DNAJC2: variants seen among roughly 807,000 people sequenced by gnomAD.
DNAJC2 encodes DnaJ heat shock protein family (Hsp40) member C2, also known as dnaJ homolog subfamily C member 2.
DNAJC2 carries 32 observed loss-of-function variants against 94.0 expected under a neutral mutation model. That is an observed-to-expected ratio of 0.34 (90% CI 0.26 to 0.46). The LOEUF (loss-of-function observed/expected upper bound fraction) is 0.46, where lower values mean the gene tolerates loss of function less well. DNAJC2 is among the 20% of genes least tolerant of loss of function. DNAJC2 has a pLI of 1.00. For missense variants in DNAJC2, 550 were observed against 719.5 expected (o/e 0.76, Z 2.69); for synonymous variants, 210 against 229.7 (o/e 0.91, Z 0.77).
chr7:103,318,935 A>G (rs1818225906), intron 12 of DNAJC2, among the ~76,000 whole-genome samples: 3 of 152,226 alleles, frequency 2.0e-5, no homozygotes, highest in Admixed American at 2.0e-4. Flanking sequence ...AACAAAATGC[A>G]GACTGGGCAT....
At chr7:103,328,490 G>T (rs1327912480) in intron 3 of DNAJC2, among the ~76,000 whole-genome samples, 2 of 151,930 alleles carry the variant, frequency 1.3e-5, no homozygotes, top group Non-Finnish European at 2.9e-5. Flanking sequence ...AACTAGCTGG[G>T]CGTGGTGGTG....
intron 3 of DNAJC2, 81 bp downstream of exon 3, chr7:103,337,655 A>T: frequency 8.8e-7 from 1 of 1,139,276 alleles, no homozygotes; most frequent in Non-Finnish European, 1.3e-6. Flanking sequence ...GCAGACTATG[A>T]TACTGTATAT....
intron 1 of DNAJC2, 51 bp from the exon 2 acceptor site, chr7:103,342,005 A>G: frequency 5.1e-6 from 7 of 1,363,848 alleles, no homozygotes; most frequent in Non-Finnish European, 6.8e-6. Context: ...TGGAATAAAT[A>G]TGTTTCAAGG....
chr7:103,326,558 A>G lies in DNAJC2; in HGVS notation c.557T>C (p.Phe186Ser), dbSNP rs373706221. The change falls in exon 5 of 17, where the codon TTT (phenylalanine) becomes TCT (serine). Residue 186 changes from phenylalanine to serine, a missense_variant. This residue lies in a region of DNAJC2 where 279 missense variants were observed against 416.9 expected (regional missense o/e 0.67). Transcript: ENST00000379263. Reference protein sequence around the residue: ...DNFFEVFTPVFERNSRWSNKK... With the variant: ...DNFFEVFTPVSERNSRWSNKK... ...CTTAACTTACCTGGAATTCCTTTCA[A>G]ACACTGGGGTAAACACTTCGAAGAA... is the stretch of plus-strand genomic sequence containing the variant. The G allele has an allele frequency of 6.2e-7, 1 of 1,613,814 alleles. No homozygotes were observed.
chr7:103,316,949 T>C lies in DNAJC2; in HGVS notation c.1308A>G (p.Ala436=). The change falls in exon 13 of 17, where the codon GCA becomes GCG. Residue 436 remains alanine (A), a synonymous_variant. Transcript: ENST00000379263. Reference sequence around the variant, plus strand: ...CAGTTGATTTCTCTGTGTTCTTAGATGCTTGTCGCATACGAGCCTCAGCTT... The same window carrying C: ...CAGTTGATTTCTCTGTGTTCTTAGACGCTTGTCGCATACGAGCCTCAGCTT... The part of the protein sequence containing the change: ...KEEAEARMRQ[A]SKNTEKSTGG... 1 of 1,614,116 alleles carries C rather than the reference T, an allele frequency of 6.2e-7. No individual in the cohort carries two copies. The highest frequency in any genetic ancestry group is 8.5e-7 in the Non-Finnish European group (1 of 1,180,018).
chr7:103,316,118 ATAGT>A (rs1026177927), intron 13 of DNAJC2, 30 bp from the exon 14 acceptor site: 1 of 1,373,192 alleles, frequency 7.3e-7, no homozygotes, highest in Non-Finnish European at 1.0e-6. Flanking sequence ...AATAATATGA[ATAGT>A]AGTAAGGAAA....
chr7:103,331,487 C>G (rs1818968890), intron 3 of DNAJC2, among the ~76,000 whole-genome samples: 2 of 152,154 alleles, frequency 1.3e-5, no homozygotes, highest in Admixed American at 1.3e-4. Context: ...TATCCATTGA[C>G]CAACCTCTCT....
In DNAJC2 at chr7:103,334,955, G is replaced by A. The variant is rs1269170877; in HGVS notation, c.331+2781C>T. On this transcript the variant is annotated intron_variant, in intron 3 of 16. Coordinates refer to ENST00000379263, the MANE Select transcript of DNAJC2 (RefSeq NM_014377.3). ...TTCAAGCGGTTCTCGTGCCGCAGCC[G>A]CCCAAGTAGCTGGGATTACAGGCAT... Among the ~76,000 whole-genome samples the A allele has an allele frequency of 5.3e-5, 8 of 152,034 alleles. No homozygotes were observed. In the South Asian group the frequency reaches 6.2e-4, roughly 12 times the overall value.
At position 103,327,691 on chromosome 7, in the gene DNAJC2, T is replaced by G; in HGVS notation, c.395A>C (p.Glu132Ala). 1 of 1,613,364 alleles carries G rather than the reference T, an allele frequency of 6.2e-7. No homozygotes were observed. The highest frequency in any genetic ancestry group is 8.5e-7 in the Non-Finnish European group (1 of 1,179,564). Residue 132 changes from glutamate to alanine, a missense_variant, in exon 4 of 17, where the codon GAA becomes GCA. Transcript: ENST00000379263. ...KRKAAGEPIK[E>A]GDNDYFTCIT... The stretch of plus-strand genomic sequence containing the variant: ...GCAAGTGAAGTAGTCATTATCTCCT[T>G]CTTTTATTGGTTCACCAGCTGCTTT...
intron 4 of DNAJC2, 57 bp from the exon 5 acceptor site, chr7:103,326,741 A>C (rs1392611466): frequency 1.9e-5 from 29 of 1,502,152 alleles, no homozygotes; most frequent in Non-Finnish European, 9.0e-7. Context: ...TTTTCCTGCA[A>C]GAAAACAAGT....
rs780001663 is a variant in DNAJC2 at position 103,337,793 on chromosome 7, C to T, written c.274G>A (p.Val92Ile). Residue 92 changes from valine (V) to isoleucine (I), a missense_variant, in exon 3 of 17, where the codon GTT becomes ATT. This residue lies in a region of DNAJC2 where 279 missense variants were observed against 416.9 expected (regional missense o/e 0.67). Transcript: ENST00000379263. ...KDWKNQDHYA[V>I]LGLGHVRYKA... ...TATCTCACATGGCCAAGTCCAAGAA[C>T]TGCATAATGATCTTGGTTCTGGAAA... 2 of 1,613,514 alleles carry T rather than the reference C, an allele frequency of 1.2e-6. No individual in the cohort carries two copies. The highest frequency in any genetic ancestry group is 1.7e-6 in the Non-Finnish European group (2 of 1,179,886).
chr7:103,324,475 C>A lies in DNAJC2; in HGVS notation c.653+7G>T. On this transcript the variant is annotated splice_region_variant and intron_variant, in intron 6 of 16. Coordinates refer to ENST00000379263, the MANE Select transcript of DNAJC2 (RefSeq NM_014377.3). ...GACAGCATCATACAAACAGTATATT[C>A]ACTTACCAGAAAGAATAAAATATAT... is the stretch of plus-strand genomic sequence containing the variant. 6.7e-7 allele frequency: 1 copy of A among 1,485,942 alleles called. No individual in the cohort carries two copies. The highest frequency in any genetic ancestry group is 1.3e-5 in the South Asian group (1 of 78,744). The allele number at this position is 1,485,942 out of a possible 1,614,324, so 92.0% of individuals were successfully genotyped here.
intron 12 of DNAJC2, 121 bp downstream of exon 12, chr7:103,319,488 G>A: frequency 2.0e-6 from 2 of 991,684 alleles, no homozygotes; most frequent in Admixed American, 2.5e-5. Flanking sequence ...ACAAAACAGT[G>A]GGAAACATAA....
intron 7 of DNAJC2, among the ~76,000 whole-genome samples, chr7:103,323,152 A>G (rs1279875654): frequency 6.6e-6 from 1 of 151,824 alleles, no homozygotes; most frequent in Admixed American, 6.6e-5. Context: ...CTGGTCTCGC[A>G]CTCCTGACCT....
rs186106096 is a variant in DNAJC2, at chr7:103,328,455, A to T, written c.332-701T>A. On this transcript the variant is annotated intron_variant, in intron 3 of 16. Coordinates refer to ENST00000379263, the MANE Select transcript of DNAJC2 (RefSeq NM_014377.3). ...AGACTAGCCTGGCCAATATGGCAAA[A>T]CCTGGTTTCTACTAAAAATACAAAA... Among the ~76,000 whole-genome samples, 707 of 151,916 alleles carry T rather than the reference A, an allele frequency of 4.7e-3. 6 individuals are homozygous for T. Among genetic ancestry groups the T allele is most frequent in the African/African-American group, 0.016 (670 of 41,454 alleles).
At chr7:103,320,534 G>A (rs1818328106) in intron 10 of DNAJC2, among the ~76,000 whole-genome samples, 1 of 151,754 alleles carries the variant, frequency 6.6e-6, no homozygotes, top group Admixed American at 6.6e-5. Flanking sequence ...GCCGAGGCAG[G>A]CGGATCGTGA....
At chr7:103,323,516 ATTTACGTGACAATT>A in intron 7 of DNAJC2, 68 bp downstream of exon 7, 3 of 1,314,126 alleles carry the variant, frequency 2.3e-6, no homozygotes, top group Non-Finnish European at 3.0e-6. Flanking sequence ...ATGAAAGAAA[ATTTACGTGACAATT>A]TTTACATCAT....
chr7:103,338,905 G>C (rs957203964), intron 2 of DNAJC2, among the ~76,000 whole-genome samples: 10 of 152,014 alleles, frequency 6.6e-5, no homozygotes, highest in African/African-American at 2.4e-4. Flanking sequence ...GTGAGACTCC[G>C]TCTCAAAATA....
chr7:103,340,454 CTTA>C (rs1216215142), intron 2 of DNAJC2, among the ~76,000 whole-genome samples: 1 of 152,154 alleles, frequency 6.6e-6, no homozygotes, highest in African/African-American at 2.4e-5. Context: ...CATAGGAACT[CTTA>C]TTATCCATTA....
Sources: allele counts gnomAD v4.1 joint callset (sites outside exome capture counted in the v4.1 genomes callset), GRCh38; gene constraint gnomAD v4.1.1; regional missense constraint gnomAD v4.1.1; transcripts MANE v1.5; gene names NCBI Gene and HGNC (gene_info 2026-07-23, HGNC 2026-07-21).